The following ZNF136 variants were observed in gnomAD, a reference collection of about 807,000 sequenced individuals.
The protein encoded by ZNF136 is zinc finger protein 136.
ZNF136 carries 8 observed loss-of-function variants against 11.4 expected under a neutral mutation model. That is an observed-to-expected ratio of 0.70 (90% CI 0.41 to 1.27). ZNF136 has a LOEUF of 1.27. ZNF136 is among the 50% of genes most tolerant of loss of function. The pLI, the probability that ZNF136 is intolerant of heterozygous loss-of-function variation, is 0.01. For synonymous variants in ZNF136, 190 were observed against 207.1 expected, an observed-to-expected ratio of 0.92 and a Z score of 0.71; for missense variants, 590 against 656.5, an observed-to-expected ratio of 0.90 and a Z score of 1.11.
At chr19:12,171,757 C>T (rs1014454293) in intron 1 of ZNF136, among the ~76,000 whole-genome samples, 2 of 151,830 alleles carry the variant, frequency 1.3e-5, no homozygotes, top group African/African-American at 4.8e-5. Context: ...GAAGGGTACT[C>T]TTCTTGATTT....
intron 1 of ZNF136, among the ~76,000 whole-genome samples, chr19:12,176,142 A>G (rs980584195): frequency 1.3e-5 from 2 of 152,066 alleles, no homozygotes; most frequent in Non-Finnish European, 2.9e-5. Flanking sequence ...TCTGTGTACA[A>G]TTGTTTGCCT....
At chr19:12,164,942 A>G (rs952784538) in intron 1 of ZNF136, 4 of 152,208 alleles carry the variant, frequency 2.6e-5, no homozygotes, top group Non-Finnish European at 4.4e-5. Flanking sequence ...TTAACAGTGC[A>G]TAGCCACGCG....
At position 12,188,241 on chromosome 19, in the gene ZNF136, C is replaced by T. The variant is rs757144003; in HGVS notation, c.*240C>T. The T allele has an allele frequency of 2.2e-5, 8 of 362,942 alleles. No individual in the cohort carries two copies. Among genetic ancestry groups the T allele is most frequent in the Non-Finnish European group, 2.9e-5 (6 of 203,640 alleles). The allele number at this position is 362,942 out of a possible 1,614,324, so 22.5% of individuals were successfully genotyped here. A position where few individuals can be genotyped will look rare whatever the true frequency, so the allele number is the denominator to read the frequency against. On this transcript the variant is annotated 3_prime_UTR_variant, in exon 4 of 4. Coordinates refer to ENST00000343979, the MANE Select transcript of ZNF136 (RefSeq NM_003437.5). ...AACAAATGCTTTTTGGAAAGGAACCCATATTTGAGAGAAACCCTGGGTAAA... is the reference window on the plus strand; with the variant it reads ...AACAAATGCTTTTTGGAAAGGAACCTATATTTGAGAGAAACCCTGGGTAAA...
At chr19:12,174,802 A>AT (rs1914748655) in intron 1 of ZNF136, among the ~76,000 whole-genome samples, 1 of 145,974 alleles carries the variant, frequency 6.9e-6, no homozygotes, top group Admixed American at 6.9e-5. Context: ...CACCCAGCTA[A>AT]TTTTTTGTAT....
intron 1 of ZNF136, among the ~76,000 whole-genome samples, chr19:12,177,521 G>A (rs1914832191): frequency 6.6e-6 from 1 of 152,118 alleles, no homozygotes; most frequent in Admixed American, 6.5e-5. Flanking sequence ...GCTAATTTTT[G>A]TGTTTTTAGT....
chr19:12,167,175 A>C (rs961801506), intron 1 of ZNF136, among the ~76,000 whole-genome samples: 4 of 152,152 alleles, frequency 2.6e-5, no homozygotes, highest in Non-Finnish European at 5.9e-5. Context: ...AAGGGCCTGG[A>C]GGAAATTTAC....
chr19:12,177,365 C>T lies in ZNF136; in HGVS notation c.4-8420C>T, dbSNP rs146438321. Reference sequence around the variant, plus strand: ...TTGTTTGTTTGTTTTTGTTTTGAGACGGAGTCTCGCTCTGTAGCCCAGGCT... The same window carrying T: ...TTGTTTGTTTGTTTTTGTTTTGAGATGGAGTCTCGCTCTGTAGCCCAGGCT... On this transcript the variant is annotated intron_variant, in intron 1 of 3. Coordinates refer to ENST00000343979, the MANE Select transcript of ZNF136 (RefSeq NM_003437.5). Among the ~76,000 whole-genome samples, 111 of 152,342 alleles carry T rather than the reference C, an allele frequency of 7.3e-4. 1 individual carries two copies. The East Asian group carries it at 0.01, about 14-fold the overall frequency.
intron 1 of ZNF136, among the ~76,000 whole-genome samples, chr19:12,164,285 G>A (rs1949192281): frequency 6.6e-6 from 1 of 152,084 alleles, no homozygotes; most frequent in African/African-American, 2.4e-5. Context: ...AATTTTTTGT[G>A]TGTTTTGAAA....
intron 1 of ZNF136, among the ~76,000 whole-genome samples, chr19:12,170,974 T>C (rs1422447168): frequency 6.6e-6 from 1 of 152,108 alleles, no homozygotes; most frequent in Non-Finnish European, 1.5e-5. Flanking sequence ...TAGCTGGGAT[T>C]ATAGGCATGC....
chr19:12,187,497 C>G lies in ZNF136; in HGVS notation c.1119C>G (p.Phe373Leu), dbSNP rs1171653555. 6.2e-7 allele frequency: 1 copy of G among 1,613,334 alleles called. No homozygotes were observed. The highest frequency in any genetic ancestry group is 8.5e-7 in the Non-Finnish European group (1 of 1,179,868). The change falls in exon 4 of 4, where the codon TTC becomes TTG. Residue 373 changes from phenylalanine (F) to leucine (L), a missense_variant. Phe to Leu is a conservative substitution (Grantham distance 22). Transcript: ENST00000343979. ...PYECKECGEA[F>L]SCIPSMRRHM... The stretch of plus-strand genomic sequence containing the variant: ...AATGTAAGGAATGTGGGGAAGCATT[C>G]AGTTGTATCCCAAGTATGCGAAGAC...
intron 1 of ZNF136, among the ~76,000 whole-genome samples, chr19:12,165,354 C>A (rs1977171314): frequency 6.6e-6 from 1 of 152,192 alleles, no homozygotes; most frequent in Non-Finnish European, 1.5e-5. Flanking sequence ...AGCACTGCTT[C>A]TCCCTGGGAT....
intron 1 of ZNF136, among the ~76,000 whole-genome samples, chr19:12,163,606 G>A (rs1017791953): frequency 6.6e-6 from 1 of 152,152 alleles, no homozygotes; most frequent in African/African-American, 2.4e-5. Flanking sequence ...TGGGATGCAG[G>A]GTCCCAAATC....
intron 1 of ZNF136, among the ~76,000 whole-genome samples, chr19:12,176,395 C>T (rs189178800): frequency 1.3e-5 from 2 of 151,824 alleles, no homozygotes; most frequent in Admixed American, 6.6e-5. Context: ...GGCGGGATCT[C>T]GGCTCACTGC....
At position 12,166,577 on chromosome 19, in the gene ZNF136, T is replaced by G. The variant is rs1054519361; in HGVS notation, c.3+3371T>G. ...CTGTTCTGTTTCCTGTTATTGGAAC[T>G]TAGCAGATTCTAAATCTTAGGGAAC... is the stretch of plus-strand genomic sequence containing the variant. On this transcript the variant is annotated intron_variant, in intron 1 of 3. Coordinates refer to ENST00000343979, the MANE Select transcript of ZNF136 (RefSeq NM_003437.5). 2.0e-5 allele frequency among the ~76,000 whole-genome samples: 3 copies of G among 152,360 alleles called. No homozygotes were observed. The East Asian group carries it at 5.8e-4, about 29-fold the overall frequency.
intron 1 of ZNF136, among the ~76,000 whole-genome samples, chr19:12,184,266 A>G (rs1915026461): frequency 1.5e-5 from 2 of 131,216 alleles, no homozygotes; most frequent in South Asian, 2.4e-4. Context: ...ACTCCATCCA[A>G]AAAAAAAAAG....
rs1915126000 is a variant in ZNF136 at position 12,187,201 on chromosome 19, A to G, written c.823A>G (p.Thr275Ala). Reference sequence around the variant, plus strand: ...ATTTCAAGTGCATGAAAGAATTCACACTGGAGAAAAACCCTTTAAATGTAA... The same window carrying G: ...ATTTCAAGTGCATGAAAGAATTCACGCTGGAGAAAAACCCTTTAAATGTAA... ...SSFQVHERIH[T>A]GEKPFKCKQC... Residue 275 changes from threonine (T) to alanine (A), a missense_variant, in exon 4 of 4, where the codon ACT becomes GCT. By Grantham distance (58) the Thr-to-Ala change is moderately conservative. Transcript: ENST00000343979. 6.2e-7 allele frequency: 1 copy of G among 1,613,980 alleles called. No individual in the cohort carries two copies. Among genetic ancestry groups the G allele is most frequent in the Non-Finnish European group, 8.5e-7 (1 of 1,179,986 alleles).
At chr19:12,172,075 G>A (rs1026909556) in intron 1 of ZNF136, among the ~76,000 whole-genome samples, 6 of 150,110 alleles carry the variant, frequency 4.0e-5, no homozygotes, top group African/African-American at 1.5e-4. Flanking sequence ...GCCTCCTGGC[G>A]TCAGGTGTTT....
intron 1 of ZNF136, chr19:12,164,673 A>G (rs1255607953): frequency 6.6e-6 from 1 of 152,184 alleles, no homozygotes; most frequent in Non-Finnish European, 1.5e-5. Context: ...TGATCTCCTG[A>G]CCTCGCGATC....
At chr19:12,163,796 A>G (rs1184919409) in intron 1 of ZNF136, 1 of 152,418 alleles carries the variant, frequency 6.6e-6, no homozygotes, top group African/African-American at 2.4e-5. Context: ...CAACAAAGCA[A>G]TGGATTACTC....
Sources: allele counts gnomAD v4.1 joint callset (sites outside exome capture counted in the v4.1 genomes callset), GRCh38; gene constraint gnomAD v4.1.1; transcripts MANE v1.5; gene names NCBI Gene and HGNC (gene_info 2026-07-23, HGNC 2026-07-21).